The following LHFPL6 variants were observed in gnomAD, a reference collection of about 807,000 sequenced individuals.
LHFPL6 encodes the protein LHFPL tetraspan subfamily member 6 protein.
A neutral mutation model predicts 20.6 loss-of-function variants in LHFPL6; 9 were observed. The ratio of observed to expected loss-of-function variants is 0.44; its 90% CI spans 0.26 to 0.76. The LOEUF (loss-of-function observed/expected upper bound fraction) is 0.76, where lower values mean the gene tolerates loss of function less well. Among genes scored for constraint, LHFPL6 ranks in the 30% least tolerant of loss-of-function variants. The probability of loss-of-function intolerance (pLI) is 0.20; values close to 1 mark genes in which losing one functional copy is unlikely to be tolerated. For synonymous variants in LHFPL6, 105 were observed against 98.7 expected (o/e 1.06, Z -0.38); for missense variants, 218 against 253.5 (o/e 0.86, Z 0.95).
intron 2 of LHFPL6, among the ~76,000 whole-genome samples, chr13:39,475,039 C>T (rs1056895015): frequency 6.6e-6 from 1 of 152,112 alleles, no homozygotes; most frequent in African/African-American, 2.4e-5. Context: ...CAGATGTGAC[C>T]CAGAGCCTGT....
chr13:39,583,117 G>C (rs1872339263), intron 2 of LHFPL6, among the ~76,000 whole-genome samples: 1 of 146,234 alleles, frequency 6.8e-6, no homozygotes, highest in Non-Finnish European at 1.5e-5. Flanking sequence ...CAAAAATTAA[G>C]TTATCACAAG....
intron 2 of LHFPL6, among the ~76,000 whole-genome samples, chr13:39,411,323 A>G (rs983203668): frequency 6.6e-6 from 1 of 152,200 alleles, no homozygotes; most frequent in Non-Finnish European, 1.5e-5. Context: ...TAGTAAAATT[A>G]TTGGTGCTCA....
At chr13:39,434,640 T>C (rs1366911164) in intron 2 of LHFPL6, among the ~76,000 whole-genome samples, 3 of 152,196 alleles carry the variant, frequency 2.0e-5, no homozygotes, top group African/African-American at 4.8e-5. Flanking sequence ...GTGGGTTAAA[T>C]TGCCTGGACT....
chr13:39,491,653 A>AGTGGG (rs2138454618), intron 2 of LHFPL6, among the ~76,000 whole-genome samples: 1 of 152,304 alleles, frequency 6.6e-6, no homozygotes, highest in East Asian at 1.9e-4. Context: ...AAGGACATGG[A>AGTGGG]GTGGGGACAA....
At chr13:39,400,782 C>CAAA (rs34833321) in intron 2 of LHFPL6, among the ~76,000 whole-genome samples, 2,501 of 53,356 alleles carry the variant, frequency 0.047, 705 homozygotes, top group Admixed American at 0.065. Context: ...GACTCCGTCT[C>CAAA]AAAAAAAAAA....
In LHFPL6 at chr13:39,559,552, A is replaced by G. The variant is rs994797793; in HGVS notation, c.385+41280T>C. Among the ~76,000 whole-genome samples the G allele has an allele frequency of 2.6e-5, 4 of 152,360 alleles. No individual in the cohort carries two copies. In the East Asian group the frequency reaches 5.8e-4, roughly 22 times the overall value. ...GCCATTCCTTTCTACCAAGGATAAC[A>G]TAGCTCAGAGAATAAGTGTGTAGAT... is the stretch of plus-strand genomic sequence containing the variant. On this transcript the variant is annotated intron_variant, in intron 2 of 3. Coordinates refer to ENST00000379589, the MANE Select transcript of LHFPL6 (RefSeq NM_005780.3).
chr13:39,544,078 T>G (rs1401994059), intron 2 of LHFPL6, among the ~76,000 whole-genome samples: 1 of 152,204 alleles, frequency 6.6e-6, no homozygotes, highest in Admixed American at 6.5e-5. Context: ...GCTATTTAGC[T>G]ATTATCATTG....
At chr13:39,513,387 A>G (rs946404402) in intron 2 of LHFPL6, among the ~76,000 whole-genome samples, 38 of 152,198 alleles carry the variant, frequency 2.5e-4, no homozygotes, top group African/African-American at 8.9e-4. Context: ...TATCTTCTAC[A>G]TTCAGTCTTA....
At chr13:39,560,592 G>A (rs1022455770) in intron 2 of LHFPL6, among the ~76,000 whole-genome samples, 6 of 141,868 alleles carry the variant, frequency 4.2e-5, no homozygotes, top group African/African-American at 1.6e-4. Context: ...TCGGCTCACT[G>A]CAAGCCCCGC....
Position 39,438,384 on chromosome 13 carries a change from C to G in LHFPL6, c.386-59858G>C, listed in dbSNP as rs1281160404. On this transcript the variant is annotated intron_variant, in intron 2 of 3. Transcript: ENST00000379589. Reference sequence around the variant, plus strand: ...ATATGAGTAAATAAATGAACTGAAACTGGAACTTATATTTAAAAGGGAAAC... The same window carrying G: ...ATATGAGTAAATAAATGAACTGAAAGTGGAACTTATATTTAAAAGGGAAAC... Among the ~76,000 whole-genome samples the G allele has an allele frequency of 3.9e-5, 6 of 152,280 alleles. No individual in the cohort carries two copies. The South Asian group carries it at 6.2e-4, about 16-fold the overall frequency.
chr13:39,367,205 C>G (rs1365410519), intron 3 of LHFPL6, among the ~76,000 whole-genome samples: 1 of 152,180 alleles, frequency 6.6e-6, no homozygotes, highest in East Asian at 1.9e-4. Context: ...CACAGGGGAT[C>G]ACTAGAGTGA....
At chr13:39,349,329 A>AG (rs11429590) in intron 3 of LHFPL6, among the ~76,000 whole-genome samples, 11,163 of 152,242 alleles carry the variant, frequency 0.073, 722 homozygotes, top group African/African-American at 0.17. Context: ...ATGTCTTTTG[A>AG]GAAAAATGGT....
chr13:39,470,563 G>T (rs917866568), intron 2 of LHFPL6, among the ~76,000 whole-genome samples: 1 of 151,976 alleles, frequency 6.6e-6, no homozygotes, highest in African/African-American at 2.4e-5. Flanking sequence ...GTAATGTATC[G>T]CATTTCATCT....
chr13:39,375,156 C>A (rs1429655701), intron 3 of LHFPL6, among the ~76,000 whole-genome samples: 1 of 152,170 alleles, frequency 6.6e-6, no homozygotes, highest in Non-Finnish European at 1.5e-5. Flanking sequence ...GAGGCAGAAA[C>A]AAACTTGGAT....
chr13:39,365,891 GT>G (rs1219413358), intron 3 of LHFPL6, among the ~76,000 whole-genome samples: 1 of 152,200 alleles, frequency 6.6e-6, no homozygotes, highest in African/African-American at 2.4e-5. Context: ...CCTAAGAATA[GT>G]GAGGGCACAG....
chr13:39,541,644 C>T (rs1870801921), intron 2 of LHFPL6, among the ~76,000 whole-genome samples: 1 of 152,208 alleles, frequency 6.6e-6, no homozygotes, highest in Admixed American at 6.5e-5. Flanking sequence ...AAACACACAT[C>T]TGTTGGAGTA....
At chr13:39,413,791 A>T (rs1298656520) in intron 2 of LHFPL6, among the ~76,000 whole-genome samples, 1 of 152,158 alleles carries the variant, frequency 6.6e-6, no homozygotes, top group Non-Finnish European at 1.5e-5. Flanking sequence ...AAAAGAATCA[A>T]CCAGCACCCC....
chr13:39,345,299 G>A (rs180860950), intron 3 of LHFPL6, among the ~76,000 whole-genome samples: 8 of 151,858 alleles, frequency 5.3e-5, no homozygotes, highest in East Asian at 1.9e-4. Context: ...GATCACCTGC[G>A]GTCAGGAGTT....
chr13:39,369,108 A>T (rs1359194), intron 3 of LHFPL6, among the ~76,000 whole-genome samples: 108,004 of 141,054 alleles, frequency 0.77, 41,128 homozygotes, highest in Middle Eastern at 0.84. Context: ...GACAACACTG[A>T]AAAAAAAAAA....
Sources: gnomAD v4.1 joint callset for allele counts (sites outside exome capture counted in the v4.1 genomes callset) on GRCh38, gnomAD v4.1.1 for gene constraint, MANE v1.5 for transcripts, NCBI Gene and HGNC (gene_info 2026-07-23, HGNC 2026-07-21) for gene names.